The following NEMF variants were observed in gnomAD, a reference collection of about 807,000 sequenced individuals.
The protein encoded by NEMF is nuclear export mediator factor.
A neutral mutation model predicts 162.2 loss-of-function variants in NEMF; 89 were observed. The ratio of observed to expected loss-of-function variants is 0.55; its 90% CI spans 0.46 to 0.65. The LOEUF (loss-of-function observed/expected upper bound fraction) is 0.65. Among genes scored for constraint, NEMF ranks in the 30% least tolerant of loss-of-function variants. The probability of loss-of-function intolerance (pLI) is 0.00; values close to 1 mark genes in which losing one functional copy is unlikely to be tolerated. For synonymous variants in NEMF, 421 were observed against 404.5 expected, an observed-to-expected ratio of 1.04 and a Z score of -0.49; for missense variants, 1,133 against 1,261.9, an observed-to-expected ratio of 0.90 and a Z score of 1.55.
chr14:49,804,925 G>A (rs1891119758), intron 19 of NEMF, among the ~76,000 whole-genome samples: 1 of 152,040 alleles, frequency 6.6e-6, no homozygotes, highest in Non-Finnish European at 1.5e-5. Context: ...AGCTACTCAG[G>A]AGGCAGAGGC....
rs190778760 is a variant in NEMF, at chr14:49,809,950, G to A, written c.1745-3817C>T. ...GTTCATTAGTTGTAACAAATGTACC[G>A]TTCTGGTGGGGGATATCGATAATAG... On this transcript the variant is annotated intron_variant, in intron 18 of 32. Coordinates refer to ENST00000298310, the MANE Select transcript of NEMF (RefSeq NM_004713.6). 6.9e-4 allele frequency among the ~76,000 whole-genome samples: 105 copies of A among 152,142 alleles called. 1 individual carries two copies. The East Asian group carries it at 8.5e-3, about 12-fold the overall frequency.
At chr14:49,787,170 A>C in intron 28 of NEMF, 1 of 165,418 alleles carries the variant, frequency 6.0e-6, no homozygotes, top group Non-Finnish European at 1.3e-5. Context: ...GTTTTGGATA[A>C]ATTTTTCCCA....
intron 17 of NEMF, among the ~76,000 whole-genome samples, chr14:49,814,384 G>A (rs1891625519): frequency 2.0e-5 from 3 of 152,082 alleles, no homozygotes; most frequent in Non-Finnish European, 1.5e-5. Flanking sequence ...GATTACAGGC[G>A]TGAGCCACCA....
intron 5 of NEMF, among the ~76,000 whole-genome samples, chr14:49,840,199 T>G (rs1287129738): frequency 2.6e-5 from 4 of 152,114 alleles, no homozygotes; most frequent in African/African-American, 9.6e-5. Context: ...CAGTGGCTCA[T>G]GCCTGTAATC....
chr14:49,839,687 C>A (rs992801532), intron 5 of NEMF: 10 of 152,160 alleles, frequency 6.6e-5, no homozygotes, highest in Non-Finnish European at 2.9e-5. Flanking sequence ...AAATCATAAC[C>A]ATTTGAAGTA....
intron 3 of NEMF, among the ~76,000 whole-genome samples, chr14:49,848,508 T>C (rs1449867745): frequency 6.6e-6 from 1 of 152,136 alleles, no homozygotes; most frequent in Non-Finnish European, 1.5e-5. Flanking sequence ...AAAGACCCTT[T>C]AGTTAAGACC....
chr14:49,852,593 A>C, intron 1 of NEMF, 102 bp downstream of exon 1: 3 of 1,293,484 alleles, frequency 2.3e-6, no homozygotes, highest in South Asian at 1.2e-5. Flanking sequence ...TAGACGCACT[A>C]GGAAATAAGG....
intron 5 of NEMF, among the ~76,000 whole-genome samples, chr14:49,839,076 T>C (rs909263464): frequency 6.0e-5 from 9 of 150,940 alleles, no homozygotes; most frequent in African/African-American, 2.2e-4. Context: ...AATTTTTTTT[T>C]TTTTATTTTT....
In NEMF at chr14:49,834,279, C is replaced by CCTG. The variant is rs1029693813; in HGVS notation, c.661+81_661+83dup. 4.6e-6 allele frequency: 4 copies of CCTG among 867,200 alleles called. No individual in the cohort carries two copies. In the African/African-American group the frequency reaches 6.9e-5, roughly 15 times the overall value. The allele number at this position is 867,200 out of a possible 1,614,324, so 53.7% of individuals were successfully genotyped here. A position where few individuals can be genotyped will look rare whatever the true frequency, so the allele number is the denominator to read the frequency against. ...TCAAATGTTTTTCATTCTAGAACCA[C>CCTG]CTGCTCCCTTATTACTTTCCCAGAA... On this transcript the variant is annotated intron_variant, in intron 7 of 32. Transcript: ENST00000298310.
At chr14:49,796,425 G>A (rs1232849999) in intron 25 of NEMF, 3 of 376,148 alleles carry the variant, frequency 8.0e-6, no homozygotes, top group South Asian at 2.0e-5. Flanking sequence ...CTTAGTTCAG[G>A]TCCTCATTAC....
chr14:49,789,458 G>T (rs746991800), intron 27 of NEMF, 38 bp downstream of exon 27: 1 of 1,609,238 alleles, frequency 6.2e-7, no homozygotes, highest in Non-Finnish European at 8.5e-7. Flanking sequence ...ATGCCCATTT[G>T]AAAAGCAAAA....
chr14:49,791,902 C>A (rs1399532850), intron 26 of NEMF, among the ~76,000 whole-genome samples: 1 of 152,010 alleles, frequency 6.6e-6, no homozygotes, highest in Non-Finnish European at 1.5e-5. Context: ...AATACAACTT[C>A]GGAAAACCAA....
chr14:49,826,078 A>C, intron 15 of NEMF, 123 bp from the exon 16 acceptor site: 1 of 589,320 alleles, frequency 1.7e-6, no homozygotes, highest in Non-Finnish European at 3.0e-6. Context: ...ACACACACAC[A>C]CAAACACACA....
chr14:49,834,210 C>T (rs897248827), intron 7 of NEMF, 153 bp downstream of exon 7: 4 of 612,488 alleles, frequency 6.5e-6, no homozygotes, highest in Non-Finnish European at 1.2e-5. Context: ...CCCACCTTAG[C>T]CTCCCAAAGT....
rs757334319 is a variant in NEMF at position 49,784,968 on chromosome 14, T to C, written c.3110A>G (p.Lys1037Arg). Residue 1037 changes from lysine (K) to arginine (R), a missense_variant, in exon 32 of 33, where the codon AAA (lysine) becomes AGA (arginine). By Grantham distance (26) the Lys-to-Arg change is conservative (BLOSUM62 2). Around this residue, in one of 3 missense-constraint regions of NEMF, gnomAD observed 532 missense variants for 578.6 expected, o/e 0.92. Transcript: ENST00000298310. The part of the protein sequence containing the change: ...KTALNSFMHS[K>R]EATAREKDLF... ...GTCTTTTTCTCTTGCTGTTGCTTCT[T>C]TGGAATGCATGAAACTATTCAAGGC... 4.3e-6 allele frequency: 7 copies of C among 1,613,846 alleles called. No homozygotes were observed. Among genetic ancestry groups the C allele is most frequent in the Admixed American group, 1.7e-5 (1 of 59,986 alleles).
At chr14:49,788,754 T>C (rs1340032503) in intron 28 of NEMF, among the ~76,000 whole-genome samples, 1 of 152,072 alleles carries the variant, frequency 6.6e-6, no homozygotes, top group Non-Finnish European at 1.5e-5. Flanking sequence ...AGACAGGGTT[T>C]CACCACGTTA....
chr14:49,782,192 A>G lies in NEMF; in HGVS notation c.*2444T>C. On this transcript the variant is annotated 3_prime_UTR_variant, in exon 33 of 33. Transcript: ENST00000298310. ...GAGAGAGAAAATAATATCCAGATAAAATAGATATTGATTGATCTGCTTTTG... is the reference window on the plus strand; with the variant it reads ...GAGAGAGAAAATAATATCCAGATAAGATAGATATTGATTGATCTGCTTTTG... 3.7e-6 allele frequency: 2 copies of G among 540,252 alleles called. No homozygotes were observed. The highest frequency in any genetic ancestry group is 3.6e-5 in the Admixed American group (1 of 27,876). 33.5% of individuals were successfully genotyped at this position (540,252 alleles called of 1,614,324 possible).
At chr14:49,813,476 T>C (rs1326707331) in intron 18 of NEMF, among the ~76,000 whole-genome samples, 4 of 152,206 alleles carry the variant, frequency 2.6e-5, no homozygotes, top group Non-Finnish European at 5.9e-5. Context: ...CCAGTTATTC[T>C]ATCTATGACT....
chr14:49,839,094 T>G (rs1007753008), intron 5 of NEMF, among the ~76,000 whole-genome samples: 3 of 151,976 alleles, frequency 2.0e-5, no homozygotes, highest in Admixed American at 2.0e-4. Context: ...TTTTTTATTT[T>G]TGAGACAGAG....
Sources: allele counts gnomAD v4.1 joint callset (sites outside exome capture counted in the v4.1 genomes callset), GRCh38; gene constraint gnomAD v4.1.1; regional missense constraint gnomAD v4.1.1; transcripts MANE v1.5; gene names NCBI Gene and HGNC (gene_info 2026-07-23, HGNC 2026-07-21).